The following SYT7 variants were observed in gnomAD, a reference collection of about 807,000 sequenced individuals.
The protein encoded by SYT7 is synaptotagmin-7.
In SYT7, 29 loss-of-function variants were observed where a neutral mutation model predicts 75.1. The ratio of observed to expected loss-of-function variants is 0.39; its 90% CI spans 0.29 to 0.53. The LOEUF is 0.53. SYT7 is among the 20% of genes least tolerant of loss of function. The pLI is 0.77. For synonymous variants in SYT7, 376 were observed against 401.7 expected (o/e 0.94, Z 0.76); for missense variants, 693 against 953.2 (o/e 0.73, Z 3.59).
rs2062439086 is a variant in SYT7, at chr11:61,524,217, G to A, written c.1641+146C>T. 4 of 986,120 alleles carry A rather than the reference G, an allele frequency of 4.1e-6. No homozygotes were observed. Among genetic ancestry groups the A allele is most frequent in the Non-Finnish European group, 1.5e-6 (1 of 680,782 alleles). The allele number at this position is 986,120 out of a possible 1,614,324, so 61.1% of individuals were successfully genotyped here. On this transcript the variant is annotated intron_variant, in intron 10 of 12. Coordinates refer to ENST00000539008, the MANE Select transcript of SYT7 (RefSeq NM_001365809.2). The surrounding 1 kb of genome is among the most constrained non-coding windows in gnomAD (Gnocchi z 4.1). ...CCAAGCACCAATGTTCTGACTGCTA[G>A]CGAGGGCTGAGCTCCATCGGGTCCA...
rs1337229485 is a variant in SYT7 at position 61,538,149 on chromosome 11, G to A, written c.1059C>T (p.Asp353=). 2 of 1,535,896 alleles carry A rather than the reference G, an allele frequency of 1.3e-6. No homozygotes were observed. The highest frequency in any genetic ancestry group is 1.7e-6 in the Non-Finnish European group (2 of 1,146,828). ...GCCCTCGCCTGTGCTCGTACCTCTTGTCCCCCTGAGCGTTCTGGTTCTGCT... is the reference window on the plus strand; with the variant it reads ...GCCCTCGCCTGTGCTCGTACCTCTTATCCCCCTGAGCGTTCTGGTTCTGCT... ...GTQQNQNAQG[D]KRLPAGGKAV... Residue 353 remains aspartate, a synonymous_variant, in exon 7 of 13, where the codon GAC becomes GAT. Transcript: ENST00000539008.
intron 1 of SYT7, among the ~76,000 whole-genome samples, chr11:61,566,268 A>AC (rs1194560161): frequency 6.6e-6 from 1 of 151,520 alleles, no homozygotes; most frequent in Non-Finnish European, 1.5e-5. Flanking sequence ...CTGCTCAGTG[A>AC]CCCCCTCACC....
At chr11:61,533,524 G>T in intron 7 of SYT7, 1 of 985,434 alleles carries the variant, frequency 1.0e-6, no homozygotes, top group Non-Finnish European at 1.2e-6. Context: ...GCTCCACCGT[G>T]GTGTGGTGTG....
intron 12 of SYT7, among the ~76,000 whole-genome samples, chr11:61,520,176 C>A (rs2062274611): frequency 6.6e-6 from 1 of 151,938 alleles, no homozygotes; most frequent in Non-Finnish European, 1.5e-5. Context: ...AGGTGTGAGC[C>A]ACCACGCCCA....
At chr11:61,519,693 G>T (rs907646691) in intron 12 of SYT7, among the ~76,000 whole-genome samples, 2 of 152,230 alleles carry the variant, frequency 1.3e-5, no homozygotes, top group Non-Finnish European at 2.9e-5. Flanking sequence ...AAGCTGTGAC[G>T]AATGTCCCAT....
intron 2 of SYT7, among the ~76,000 whole-genome samples, chr11:61,554,545 C>A (rs2063440513): frequency 6.6e-6 from 1 of 152,166 alleles, no homozygotes; most frequent in Non-Finnish European, 1.5e-5. Flanking sequence ...ACAAGGTCGC[C>A]ATCAGCGCCT....
intron 1 of SYT7, among the ~76,000 whole-genome samples, chr11:61,565,222 G>A (rs993585728): frequency 6.6e-6 from 1 of 152,186 alleles, no homozygotes; most frequent in African/African-American, 2.4e-5. Flanking sequence ...TCCATAGGAA[G>A]CACCCTCCAT....
chr11:61,529,109 G>A (rs1487507712), intron 8 of SYT7, among the ~76,000 whole-genome samples: 1 of 152,050 alleles, frequency 6.6e-6, no homozygotes, highest in African/African-American at 2.4e-5. Flanking sequence ...CCAGACCACT[G>A]ACCACAACAG....
At chr11:61,547,693 G>A (rs2063233842) in intron 3 of SYT7, among the ~76,000 whole-genome samples, 1 of 151,998 alleles carries the variant, frequency 6.6e-6, no homozygotes, top group African/African-American at 2.4e-5. Context: ...CCTGGGGTGA[G>A]CAGGGGGAGT....
the SYT7 span, among the ~76,000 whole-genome samples, chr11:61,586,526 G>A: frequency 6.6e-6 from 1 of 152,190 alleles, no homozygotes; most frequent in South Asian, 2.1e-4. Context: ...ATAGGATGTT[G>A]TTTTTTAATC....
intron 7 of SYT7, 69 bp from the exon 8 acceptor site, chr11:61,533,193 G>T: frequency 6.7e-7 from 1 of 1,496,330 alleles, no homozygotes; most frequent in Non-Finnish European, 8.9e-7. Context: ...CGGCCTGGGG[G>T]GTGGCAGGAC....
chr11:61,568,530 C>T (rs903402346), intron 1 of SYT7, among the ~76,000 whole-genome samples: 1 of 152,210 alleles, frequency 6.6e-6, no homozygotes, highest in African/African-American at 2.4e-5. Flanking sequence ...CAGCCTCCTA[C>T]ACATGAGGAA....
chr11:61,534,224 C>A (rs770125804), intron 7 of SYT7, among the ~76,000 whole-genome samples: 2 of 152,206 alleles, frequency 1.3e-5, no homozygotes, highest in Non-Finnish European at 2.9e-5. Flanking sequence ...GGGAGCCACA[C>A]GCTGAGGGTG....
the SYT7 span, among the ~76,000 whole-genome samples, chr11:61,586,246 CCA>C: frequency 7.9e-5 from 12 of 152,234 alleles, no homozygotes; most frequent in Non-Finnish European, 1.8e-4. Flanking sequence ...AAATCCCTCA[CCA>C]CCCTTAAAAG....
At chr11:61,574,869 C>G (rs1051075440) in intron 1 of SYT7, among the ~76,000 whole-genome samples, 3 of 152,110 alleles carry the variant, frequency 2.0e-5, no homozygotes, top group Non-Finnish European at 2.9e-5. Flanking sequence ...CCGGGAGCAG[C>G]TGCCGCGGCA....
At chr11:61,521,404 T>G (rs1466153442) in intron 12 of SYT7, among the ~76,000 whole-genome samples, 1 of 152,164 alleles carries the variant, frequency 6.6e-6, no homozygotes. Context: ...ATATGGTCAC[T>G]TGGCCTTTGG....
intron 1 of SYT7, among the ~76,000 whole-genome samples, chr11:61,572,127 C>T (rs924927214): frequency 6.6e-6 from 1 of 151,478 alleles, no homozygotes; most frequent in African/African-American, 2.4e-5. Context: ...GGGGGGGGGG[C>T]ACACAGACAA....
At chr11:61,538,798 G>A (rs1016624997) in intron 6 of SYT7, among the ~76,000 whole-genome samples, 3 of 152,202 alleles carry the variant, frequency 2.0e-5, no homozygotes, top group South Asian at 2.1e-4. Context: ...CCGGCACCGC[G>A]CAGGCTTTGA....
At chr11:61,557,474 T>C (rs571941055) in intron 1 of SYT7, among the ~76,000 whole-genome samples, 3 of 152,312 alleles carry the variant, frequency 2.0e-5, no homozygotes, top group African/African-American at 7.2e-5. Flanking sequence ...GGGATGACTC[T>C]CATCAGCTCT....
Sources: allele counts gnomAD v4.1 joint callset (sites outside exome capture counted in the v4.1 genomes callset), GRCh38; gene constraint gnomAD v4.1.1; non-coding constraint Gnocchi (gnomAD v3.1); transcripts MANE v1.5; gene names NCBI Gene and HGNC (gene_info 2026-07-23, HGNC 2026-07-21).